The following TMTC2 variants were observed in gnomAD, a reference collection of about 807,000 sequenced individuals.
TMTC2 encodes transmembrane O-mannosyltransferase targeting cadherins 2.
TMTC2 carries 43 observed loss-of-function variants against 82.4 expected under a neutral mutation model. That is an observed-to-expected ratio of 0.52 (90% CI 0.41 to 0.67). The LOEUF (loss-of-function observed/expected upper bound fraction) is 0.67. Among genes scored for constraint, TMTC2 ranks in the 30% least tolerant of loss-of-function variants. The pLI is 0.00. For synonymous variants in TMTC2, 408 were observed against 381.9 expected, an observed-to-expected ratio of 1.07 and a Z score of -0.80; for missense variants, 919 against 1,012.4, an observed-to-expected ratio of 0.91 and a Z score of 1.25.
chr12:82,985,937 T>G lies in TMTC2; in HGVS notation c.1961T>G (p.Met654Arg). The G allele has an allele frequency of 6.2e-7, 1 of 1,613,728 alleles. No individual in the cohort carries two copies. Among genetic ancestry groups the G allele is most frequent in the East Asian group, 2.2e-5 (1 of 44,870 alleles). ...ATTCTCTTTCCAGGTGAAGCATATA[T>G]GCGTTTAAGCAAACTCCCCGAAGCA... ...SLYNMMGEAY[M>R]RLSKLPEAEH... The change falls in exon 8 of 12, where the codon ATG becomes AGG. Residue 654 changes from methionine to arginine, a missense_variant. Coordinates refer to ENST00000321196, the MANE Select transcript of TMTC2 (RefSeq NM_152588.3).
intron 1 of TMTC2, among the ~76,000 whole-genome samples, chr12:82,713,756 G>A (rs138260903): frequency 1.9e-3 from 289 of 152,314 alleles, no homozygotes; most frequent in African/African-American, 6.7e-3. Context: ...GTGTATGACT[G>A]TCTGGCTTCT....
chr12:83,035,527 C>T (rs1342823899), intron 9 of TMTC2, among the ~76,000 whole-genome samples: 1 of 152,118 alleles, frequency 6.6e-6, no homozygotes, highest in East Asian at 1.9e-4. Context: ...TCTCACAGCT[C>T]TTTTATCAAA....
intron 10 of TMTC2, among the ~76,000 whole-genome samples, chr12:83,056,718 G>C (rs891194670): frequency 1.3e-5 from 2 of 151,928 alleles, no homozygotes; most frequent in Non-Finnish European, 2.9e-5. Context: ...AAAGTCACTG[G>C]ATTTTTCAAT....
intron 11 of TMTC2, among the ~76,000 whole-genome samples, chr12:83,103,486 G>A (rs919926429): frequency 2.0e-5 from 3 of 152,270 alleles, no homozygotes; most frequent in African/African-American, 7.2e-5. Flanking sequence ...GCAGGAGCAG[G>A]AGAGAGTGAG....
chr12:82,781,708 T>TG (rs1431773723), intron 1 of TMTC2, among the ~76,000 whole-genome samples: 3 of 150,744 alleles, frequency 2.0e-5, no homozygotes, highest in African/African-American at 7.3e-5. Flanking sequence ...TATTGTTTTT[T>TG]TTTTTTTTTT....
At chr12:83,109,062 A>G (rs560768792) in intron 11 of TMTC2, among the ~76,000 whole-genome samples, 1 of 152,282 alleles carries the variant, frequency 6.6e-6, no homozygotes, top group African/African-American at 2.4e-5. Flanking sequence ...CCAAAAGACT[A>G]TAGCTGTCTT....
intron 8 of TMTC2, among the ~76,000 whole-genome samples, chr12:82,995,507 G>A (rs557807041): frequency 8.3e-4 from 127 of 152,192 alleles, no homozygotes; most frequent in Non-Finnish European, 1.6e-3. Flanking sequence ...TACATTTGAG[G>A]CTCATGAGGC....
At chr12:82,798,163 G>A (rs891166452) in intron 1 of TMTC2, among the ~76,000 whole-genome samples, 6 of 150,672 alleles carry the variant, frequency 4.0e-5, no homozygotes, top group African/African-American at 1.4e-4. Context: ...CACCGTGTTA[G>A]CCAGGATGGT....
At chr12:83,075,196 C>T (rs1883245661) in intron 11 of TMTC2, among the ~76,000 whole-genome samples, 1 of 152,162 alleles carries the variant, frequency 6.6e-6, no homozygotes, top group African/African-American at 2.4e-5. Context: ...TTTCCTACTT[C>T]CACAGTTGGG....
chr12:83,045,665 G>A lies in TMTC2; in HGVS notation c.2153-5239G>A, dbSNP rs552577655. 2.9e-5 allele frequency among the ~76,000 whole-genome samples: 4 copies of A among 136,438 alleles called. No homozygotes were observed. In the East Asian group the frequency reaches 9.5e-4, roughly 33 times the overall value. The allele number at this position is 136,438 out of a possible 152,430, so 89.5% of individuals were successfully genotyped here. On this transcript the variant is annotated intron_variant, in intron 9 of 11. Transcript: ENST00000321196. ...CCCCATAATTAGGGAAGACAATGCTGTTATAGATAGCTGGTCGCTTATAGG... is the reference window on the plus strand; with the variant it reads ...CCCCATAATTAGGGAAGACAATGCTATTATAGATAGCTGGTCGCTTATAGG...
At chr12:82,850,759 T>C (rs1157518581) in intron 1 of TMTC2, among the ~76,000 whole-genome samples, 1 of 152,090 alleles carries the variant, frequency 6.6e-6, no homozygotes, top group Non-Finnish European at 1.5e-5. Context: ...TGGAATGCTA[T>C]AAACATGATG....
chr12:83,059,146 A>T (rs1160882651), intron 10 of TMTC2, among the ~76,000 whole-genome samples: 1 of 151,824 alleles, frequency 6.6e-6, no homozygotes, highest in Non-Finnish European at 1.5e-5. Flanking sequence ...AGTCCCTAAC[A>T]ACGTTATGGT....
At chr12:82,873,993 T>C (rs1341770564) in intron 2 of TMTC2, among the ~76,000 whole-genome samples, 1 of 152,178 alleles carries the variant, frequency 6.6e-6, no homozygotes, top group Non-Finnish European at 1.5e-5. Context: ...AAGTTAATTA[T>C]GGGGGAACGA....
At chr12:82,830,022 T>C (rs1205131033) in intron 1 of TMTC2, among the ~76,000 whole-genome samples, 3 of 152,172 alleles carry the variant, frequency 2.0e-5, no homozygotes, top group Non-Finnish European at 2.9e-5. Flanking sequence ...ATGTAGAGAA[T>C]ATTAAAGGTT....
At chr12:82,731,973 T>C (rs1874834313) in intron 1 of TMTC2, among the ~76,000 whole-genome samples, 1 of 152,222 alleles carries the variant, frequency 6.6e-6, no homozygotes, top group African/African-American at 2.4e-5. Flanking sequence ...TTCCCTGGCT[T>C]TGCTCATTTT....
At chr12:82,740,215 T>G (rs1223708368) in intron 1 of TMTC2, among the ~76,000 whole-genome samples, 1 of 152,186 alleles carries the variant, frequency 6.6e-6, no homozygotes, top group Non-Finnish European at 1.5e-5. Flanking sequence ...AATCTTTGCC[T>G]CTGGTGTACC....
At chr12:83,016,409 A>T (rs1836247) in intron 8 of TMTC2, among the ~76,000 whole-genome samples, 2 of 152,102 alleles carry the variant, frequency 1.3e-5, no homozygotes, top group Non-Finnish European at 2.9e-5. Context: ...TGACTCACTC[A>T]TGCAGAATAG....
At chr12:82,933,762 C>CT (rs773634654) in intron 4 of TMTC2, among the ~76,000 whole-genome samples, 35 of 152,108 alleles carry the variant, frequency 2.3e-4, no homozygotes, top group Non-Finnish European at 2.5e-4. Context: ...ACTTCTACAT[C>CT]TAAGTAGCAC....
intron 1 of TMTC2, among the ~76,000 whole-genome samples, chr12:82,718,544 G>A (rs1009243999): frequency 6.6e-6 from 1 of 152,182 alleles, no homozygotes. Flanking sequence ...CTGTGCCCTG[G>A]TGTTGGAGCT....
Sources: gnomAD v4.1 joint callset for allele counts (sites outside exome capture counted in the v4.1 genomes callset) on GRCh38, gnomAD v4.1.1 for gene constraint, MANE v1.5 for transcripts, NCBI Gene and HGNC (gene_info 2026-07-23, HGNC 2026-07-21) for gene names.